Variants in MCC observed in about 807,000 individuals in gnomAD.
MCC encodes MCC regulator of Wnt signaling pathway.
A neutral mutation model predicts 116.2 loss-of-function variants in MCC; 90 were observed. That is an observed-to-expected ratio of 0.77 (90% confidence interval 0.65 to 0.92). The LOEUF (loss-of-function observed/expected upper bound fraction) is 0.92. MCC is among the 40% of genes least tolerant of loss of function. The probability of loss-of-function intolerance (pLI) is 0.00; values close to 1 mark genes in which losing one functional copy is unlikely to be tolerated. For synonymous variants in MCC, 578 were observed against 510.5 expected (o/e 1.13, Z -1.78); for missense variants, 1,516 against 1,312.2 (o/e 1.16, Z -2.40).
chr5:113,462,239 C>A (rs1231667900), intron 1 of MCC, among the ~76,000 whole-genome samples: 1 of 152,238 alleles, frequency 6.6e-6, no homozygotes, highest in Non-Finnish European at 1.5e-5. Context: ...CAGCCATTCA[C>A]CCACTTTCTA....
At chr5:113,161,896 C>T (rs1166570517) in intron 3 of MCC, among the ~76,000 whole-genome samples, 1 of 152,184 alleles carries the variant, frequency 6.6e-6, no homozygotes, top group African/African-American at 2.4e-5. Context: ...TTTTAAAATG[C>T]TTGATGCCAC....
In MCC at chr5:113,220,053, A is replaced by ATTTTTTTTT. The variant is rs1561466024; in HGVS notation, c.628-68632_628-68631insAAAAAAAAA. Reference sequence around the variant, plus strand: ...TGTTAACTTTGGAATCTGCATGTCAATTTCTTTTTCTTTTTTTTTTTTGAG... The same window carrying ATTTTTTTTT: ...TGTTAACTTTGGAATCTGCATGTCAATTTTTTTTTTTTCTTTTTCTTTTTTTTTTTTGAG... On this transcript the variant is annotated intron_variant, in intron 3 of 18. Coordinates refer to ENST00000408903, the MANE Select transcript of MCC (RefSeq NM_001085377.2). 4.8e-5 allele frequency among the ~76,000 whole-genome samples: 3 copies of ATTTTTTTTT among 62,858 alleles called. 1 individual carries two copies. Among genetic ancestry groups the ATTTTTTTTT allele is most frequent in the East Asian group, 1.7e-3 (2 of 1,152 alleles). The allele number at this position is 62,858 out of a possible 152,430, so 41.2% of individuals were successfully genotyped here. A position where few individuals can be genotyped will look rare whatever the true frequency, so the allele number is the denominator to read the frequency against.
chr5:113,412,715 A>T (rs1770026398), intron 1 of MCC, among the ~76,000 whole-genome samples: 1 of 152,206 alleles, frequency 6.6e-6, no homozygotes, highest in African/African-American at 2.4e-5. Context: ...TGTCATCTGT[A>T]AACAGGGACA....
Position 113,023,900 on chromosome 5 carries a change from T to TTTAA in MCC, c.*3398_*3401dup, listed in dbSNP as rs1750341472. On this transcript the variant is annotated 3_prime_UTR_variant, in exon 19 of 19. Coordinates refer to ENST00000408903, the MANE Select transcript of MCC (RefSeq NM_001085377.2). Reference sequence around the variant, plus strand: ...AGGGAACAAGCAACTATGGAGGTTCTTTAATTCATGCCAGGGACACAGGCA... The same window carrying TTTAA: ...AGGGAACAAGCAACTATGGAGGTTCTTTAATTAATTCATGCCAGGGACACAGGCA... 1 of 152,360 alleles carries TTTAA rather than the reference T, an allele frequency of 6.6e-6. No individual in the cohort carries two copies. Among genetic ancestry groups the TTTAA allele is most frequent in the African/African-American group, 2.4e-5 (1 of 41,578 alleles). The allele number at this position is 152,360 out of a possible 1,614,324, so 9.4% of individuals were successfully genotyped here.
chr5:113,276,367 TG>T (rs1306057338), intron 3 of MCC, among the ~76,000 whole-genome samples: 1 of 152,218 alleles, frequency 6.6e-6, no homozygotes, highest in Non-Finnish European at 1.5e-5. Flanking sequence ...AAGACCACCC[TG>T]GGGCATCAAG....
At chr5:113,191,038 C>G (rs1762128040) in intron 3 of MCC, among the ~76,000 whole-genome samples, 1 of 152,186 alleles carries the variant, frequency 6.6e-6, no homozygotes, top group Non-Finnish European at 1.5e-5. Flanking sequence ...CCCATCCTCT[C>G]TGGATTATAT....
At chr5:113,088,271 A>G (rs1181841070) in intron 8 of MCC, among the ~76,000 whole-genome samples, 1 of 152,032 alleles carries the variant, frequency 6.6e-6, no homozygotes, top group Admixed American at 6.6e-5. Flanking sequence ...GAGAATCTTA[A>G]TTTACAGGAA....
chr5:113,417,857 C>T (rs1011728797), intron 1 of MCC, among the ~76,000 whole-genome samples: 13 of 151,220 alleles, frequency 8.6e-5, no homozygotes, highest in African/African-American at 1.2e-4. Flanking sequence ...CACTTGAGTC[C>T]GGGAGATCAA....
chr5:113,428,362 T>C (rs1770536926), intron 1 of MCC, among the ~76,000 whole-genome samples: 1 of 152,192 alleles, frequency 6.6e-6, no homozygotes, highest in African/African-American at 2.4e-5. Context: ...GACTGAAGCA[T>C]GTGTTCTCTC....
At chr5:113,233,397 G>C (rs577933005) in intron 3 of MCC, among the ~76,000 whole-genome samples, 2 of 152,236 alleles carry the variant, frequency 1.3e-5, no homozygotes, top group Admixed American at 6.5e-5. Context: ...TCTCAGACTA[G>C]AATGCATGAA....
At chr5:113,069,405 G>A (rs1415217740) in intron 12 of MCC, among the ~76,000 whole-genome samples, 1 of 152,194 alleles carries the variant, frequency 6.6e-6, no homozygotes, top group Non-Finnish European at 1.5e-5. Flanking sequence ...CGTGGCCCAC[G>A]TCCACACAAG....
At chr5:113,456,199 T>A (rs1182677506) in intron 1 of MCC, among the ~76,000 whole-genome samples, 1 of 152,116 alleles carries the variant, frequency 6.6e-6, no homozygotes, top group Non-Finnish European at 1.5e-5. Flanking sequence ...ATGGCTATGT[T>A]ACATAGGCTG....
At chr5:113,137,267 T>C in intron 5 of MCC, among the ~76,000 whole-genome samples, 1 of 152,110 alleles carries the variant, frequency 6.6e-6, no homozygotes, top group East Asian at 1.9e-4. Flanking sequence ...TCTTATGCTA[T>C]CATAAGAATA....
chr5:113,374,990 TCAA>T, intron 2 of MCC, among the ~76,000 whole-genome samples: 1 of 63,972 alleles, frequency 1.6e-5, no homozygotes. Flanking sequence ...AGACCCTGTC[TCAA>T]AAAAAAAAAA....
At chr5:113,431,306 G>GA (rs1313330049) in intron 1 of MCC, among the ~76,000 whole-genome samples, 1 of 152,114 alleles carries the variant, frequency 6.6e-6, no homozygotes, top group East Asian at 1.9e-4. Context: ...TTAGACAAAA[G>GA]AAAAGTAGTG....
intron 1 of MCC, among the ~76,000 whole-genome samples, chr5:113,452,192 C>T (rs1313684884): frequency 1.3e-5 from 2 of 152,196 alleles, no homozygotes; most frequent in African/African-American, 4.8e-5. Flanking sequence ...CTTCCACTGC[C>T]TTCTATTGGT....
chr5:113,087,907 A>G (rs1457450858), intron 8 of MCC, among the ~76,000 whole-genome samples: 1 of 152,172 alleles, frequency 6.6e-6, no homozygotes, highest in Non-Finnish European at 1.5e-5. Flanking sequence ...AAACATGCTC[A>G]CTGTGGAAAA....
chr5:113,196,924 C>T (rs924092856), intron 3 of MCC, among the ~76,000 whole-genome samples: 3 of 152,170 alleles, frequency 2.0e-5, no homozygotes, highest in African/African-American at 7.2e-5. Flanking sequence ...GGAACCTCCA[C>T]TAATGGTCTT....
intron 3 of MCC, among the ~76,000 whole-genome samples, chr5:113,300,481 C>T (rs1171420709): frequency 6.6e-6 from 1 of 152,164 alleles, no homozygotes; most frequent in African/African-American, 2.4e-5. Flanking sequence ...CAACCACGCC[C>T]AGAGTGTTTA....
Sources: gnomAD v4.1 joint callset for allele counts (sites outside exome capture counted in the v4.1 genomes callset) on GRCh38, gnomAD v4.1.1 for gene constraint, MANE v1.5 for transcripts, NCBI Gene and HGNC (gene_info 2026-07-23, HGNC 2026-07-21) for gene names.